GARRE1: variants seen among roughly 807,000 people sequenced by gnomAD.
The protein encoded by GARRE1 is granule associated Rac and RHOG effector protein 1.
A neutral mutation model predicts 103.2 loss-of-function variants in GARRE1; 49 were observed. That is an observed-to-expected ratio of 0.47 (90% CI 0.38 to 0.60). The LOEUF (loss-of-function observed/expected upper bound fraction) is 0.60. Ranked by LOEUF, GARRE1 falls within the 20% of genes least tolerant of loss-of-function variation. The probability of loss-of-function intolerance (pLI) is 0.00; values close to 1 mark genes in which losing one functional copy is unlikely to be tolerated. For synonymous variants in GARRE1, 505 were observed against 532.8 expected, an observed-to-expected ratio of 0.95 and a Z score of 0.72; for missense variants, 1,199 against 1,370.5, an observed-to-expected ratio of 0.87 and a Z score of 1.98.
rs749446662 is a variant in GARRE1 at position 34,330,397 on chromosome 19, A to G, written c.1263+50A>G. 44 of 1,578,404 alleles carry G rather than the reference A, an allele frequency of 2.8e-5. No homozygotes were observed. In the South Asian group the frequency reaches 4.7e-4, roughly 17 times the overall value. ...ATAGGTAGAATACCAAGATGTTTCA[A>G]GCATGTGAGGATGTGGTGCAGACAC... On this transcript the variant is annotated intron_variant, in intron 7 of 13. Coordinates refer to ENST00000299505, the MANE Select transcript of GARRE1 (RefSeq NM_014686.5).
intron 2 of GARRE1, among the ~76,000 whole-genome samples, chr19:34,302,508 G>A (rs934968210): frequency 1.3e-5 from 2 of 151,542 alleles, no homozygotes; most frequent in African/African-American, 4.8e-5. Flanking sequence ...TGGCCAGGCC[G>A]GTCTCGAACT....
intron 7 of GARRE1, among the ~76,000 whole-genome samples, chr19:34,331,012 C>T (rs941061259): frequency 6.6e-6 from 1 of 151,476 alleles, no homozygotes; most frequent in Non-Finnish European, 1.5e-5. Flanking sequence ...TGATTCTCCT[C>T]CCTCGGCTTC....
chr19:34,350,644 C>T (rs1448154959), intron 12 of GARRE1, among the ~76,000 whole-genome samples: 4 of 152,114 alleles, frequency 2.6e-5, no homozygotes, highest in East Asian at 1.9e-4. Flanking sequence ...TGCAGTGGCG[C>T]GGTCTTAGCT....
intron 7 of GARRE1, among the ~76,000 whole-genome samples, chr19:34,330,901 AT>A (rs35469834): frequency 0.51 from 70,640 of 138,308 alleles, 18,927 homozygotes; most frequent in Non-Finnish European, 0.62. Flanking sequence ...CATCTGGCTA[AT>A]TTTTTTTTTT....
chr19:34,327,746 A>C, intron 4 of GARRE1, 25 bp from the exon 5 acceptor site: 1 of 1,591,036 alleles, frequency 6.3e-7, no homozygotes. Flanking sequence ...TACGATCTTG[A>C]TTGTTAAAAA....
chr19:34,339,251 C>T (rs1408741506), intron 8 of GARRE1, among the ~76,000 whole-genome samples: 1 of 152,208 alleles, frequency 6.6e-6, no homozygotes, highest in Non-Finnish European at 1.5e-5. Flanking sequence ...GACTTCTAAC[C>T]AATCGGCTAT....
chr19:34,350,732 C>T (rs1221849680), intron 12 of GARRE1, among the ~76,000 whole-genome samples: 1 of 152,106 alleles, frequency 6.6e-6, no homozygotes, highest in Non-Finnish European at 1.5e-5. Flanking sequence ...CAGGCGCCCA[C>T]CACCATGCCC....
intron 3 of GARRE1, among the ~76,000 whole-genome samples, chr19:34,325,404 C>G (rs1334113064): frequency 2.0e-5 from 3 of 152,184 alleles, no homozygotes; most frequent in African/African-American, 4.8e-5. Flanking sequence ...TCTCTCCACT[C>G]ACCTGTTCCT....
chr19:34,304,697 G>C (rs1366381031), intron 2 of GARRE1, among the ~76,000 whole-genome samples: 1 of 151,730 alleles, frequency 6.6e-6, no homozygotes, highest in African/African-American at 2.4e-5. Context: ...ATTTCTAATT[G>C]TTTCTATGAT....
At chr19:34,313,455 G>A (rs139529004) in intron 2 of GARRE1, among the ~76,000 whole-genome samples, 16 of 152,262 alleles carry the variant, frequency 1.1e-4, no homozygotes, top group African/African-American at 3.4e-4. Context: ...AGATACAGCC[G>A]GCTGGGAGTG....
rs753765083 is a variant in GARRE1, at chr19:34,341,915, T to A, written c.1981T>A (p.Ser661Thr). 6.2e-7 allele frequency: 1 copy of A among 1,614,108 alleles called. No individual in the cohort carries two copies. Among genetic ancestry groups the A allele is most frequent in the South Asian group, 1.1e-5 (1 of 91,076 alleles). ...TCTCTCGGGCTTTAACATGGGCCAG[T>A]CACATCAGGGCTCTCCGTTGGTGAC... ...DFLSGFNMGQ[S>T]HQGSPLVTRH... Residue 661 changes from serine (S) to threonine (T), a missense_variant, in exon 10 of 14, where the codon TCA becomes ACA. Transcript: ENST00000299505.
Position 34,342,415 on chromosome 19 carries a change from C to G in GARRE1, c.2481C>G (p.Val827=). 6.2e-7 allele frequency: 1 copy of G among 1,613,888 alleles called. No homozygotes were observed. Among genetic ancestry groups the G allele is most frequent in the South Asian group, 1.1e-5 (1 of 91,064 alleles). The stretch of plus-strand genomic sequence containing the variant: ...CCAACCGTGACCAAAGTGATGGAGT[C>G]TTTGGAATGCTGGGAGAGATTCTGC... ...TWPNRDQSDG[V]FGMLGEILPF... Residue 827 remains valine, a synonymous_variant, in exon 10 of 14, where the codon GTC becomes GTG. Coordinates refer to ENST00000299505, the MANE Select transcript of GARRE1 (RefSeq NM_014686.5).
At chr19:34,272,447 C>T (rs2073793526) in intron 1 of GARRE1, among the ~76,000 whole-genome samples, 1 of 152,144 alleles carries the variant, frequency 6.6e-6, no homozygotes, top group South Asian at 2.1e-4. Flanking sequence ...AATCCACCCA[C>T]CTTGGCCTCC....
intron 1 of GARRE1, among the ~76,000 whole-genome samples, chr19:34,280,193 T>TTGAG (rs1280076149): frequency 1.3e-5 from 2 of 152,162 alleles, no homozygotes; most frequent in East Asian, 3.9e-4. Context: ...CCACTCACTA[T>TTGAG]TGAGTACAAA....
chr19:34,260,448 A>G (rs1043459562), intron 1 of GARRE1, among the ~76,000 whole-genome samples: 1 of 152,246 alleles, frequency 6.6e-6, no homozygotes, highest in Non-Finnish European at 1.5e-5. Context: ...AGATAAGCCT[A>G]TAATATCTTT....
At chr19:34,277,019 G>T (rs1246288943) in intron 1 of GARRE1, among the ~76,000 whole-genome samples, 1 of 152,180 alleles carries the variant, frequency 6.6e-6, no homozygotes, top group Non-Finnish European at 1.5e-5. Flanking sequence ...CTCTGAGGGT[G>T]TAACACTTGT....
At chr19:34,282,747 G>A (rs2073863108) in intron 1 of GARRE1, among the ~76,000 whole-genome samples, 1 of 152,168 alleles carries the variant, frequency 6.6e-6, no homozygotes, top group Admixed American at 6.5e-5. Context: ...ATGAAATCAG[G>A]TTGATTAACT....
chr19:34,264,919 A>T (rs950558220), intron 1 of GARRE1, among the ~76,000 whole-genome samples: 1 of 152,136 alleles, frequency 6.6e-6, no homozygotes, highest in Admixed American at 6.5e-5. Flanking sequence ...AGGCCTCTAC[A>T]TTAACCGTGA....
rs987514825 is a variant in GARRE1 at position 34,353,301 on chromosome 19, C to A, written c.*346C>A. On this transcript the variant is annotated 3_prime_UTR_variant, in exon 14 of 14. Coordinates refer to ENST00000299505, the MANE Select transcript of GARRE1 (RefSeq NM_014686.5). ...CACAGCTCTTGGGTTTTTAGTCCTG[C>A]TGTGTGTTGGGAAGACATCAGGCCT... 11 of 326,924 alleles carry A rather than the reference C, an allele frequency of 3.4e-5. No homozygotes were observed. Among genetic ancestry groups the A allele is most frequent in the African/African-American group, 2.3e-4 (11 of 48,062 alleles). 20.3% of individuals were successfully genotyped at this position (326,924 alleles called of 1,614,324 possible).
Sources: gnomAD v4.1 joint callset for allele counts (sites outside exome capture counted in the v4.1 genomes callset) on GRCh38, gnomAD v4.1.1 for gene constraint, MANE v1.5 for transcripts, NCBI Gene and HGNC (gene_info 2026-07-23, HGNC 2026-07-21) for gene names.